Variants in ZFP36L2 observed in about 807,000 individuals in gnomAD.
ZFP36L2 encodes the protein ZFP36 like 2 zinc finger CCCH-type.
ZFP36L2 carries 16 observed loss-of-function variants against 27.9 expected under a neutral mutation model. The observed-to-expected ratio is 0.57, with a 90% CI of 0.39 to 0.87. The LOEUF (loss-of-function observed/expected upper bound fraction) is 0.87, where lower values mean the gene tolerates loss of function less well. Among genes scored for constraint, ZFP36L2 ranks in the 40% least tolerant of loss-of-function variants. The pLI is 0.00. For missense variants in ZFP36L2, 989 were observed against 726.9 expected (o/e 1.36, Z -4.15); for synonymous variants, 600 against 363.8 (o/e 1.65, Z -7.39).
chr2:43,226,500 G>A lies in ZFP36L2; in HGVS notation c.-185C>T, dbSNP rs368325387. ...CGGGCCGGCGGGAGGGTCCGGCGGA[G>A]TGCGGCAGGGGGGAAGGAGAGAAGC... On this transcript the variant is annotated 5_prime_UTR_variant, in exon 1 of 2. Transcript: ENST00000282388. The A allele has an allele frequency of 2.9e-6, 2 of 689,836 alleles. No individual in the cohort carries two copies. Among genetic ancestry groups the A allele is most frequent in the East Asian group, 3.0e-5 (1 of 32,864 alleles). 42.7% of individuals were successfully genotyped at this position (689,836 alleles called of 1,614,324 possible).
At chr2:43,225,884 C>T (rs1667088525) in intron 1 of ZFP36L2, 132 bp from the exon 2 acceptor site, 2 of 907,052 alleles carry the variant, frequency 2.2e-6, no homozygotes, top group South Asian at 1.7e-5. Flanking sequence ...CCCGACTCGG[C>T]CTCCACCCTC....
In ZFP36L2 at chr2:43,226,273, A is replaced by G. The variant is rs770158304; in HGVS notation, c.43T>C (p.Leu15=). Residue 15 remains leucine (L), a synonymous_variant, in exon 1 of 2, where the codon TTG becomes CTG. Coordinates refer to ENST00000282388, the MANE Select transcript of ZFP36L2 (RefSeq NM_006887.5). ...LLSAFYDVDF[L]CKTEKSLANL... is the part of the protein sequence containing the mutation. Reference sequence around the variant, plus strand: ...CCCGCTCCCTGGCCTACCTTGCACAAGAAGTCGACATCGTAGAAGGCGGAC... The same window carrying G: ...CCCGCTCCCTGGCCTACCTTGCACAGGAAGTCGACATCGTAGAAGGCGGAC... The G allele has an allele frequency of 1.3e-6, 2 of 1,585,570 alleles. No individual in the cohort carries two copies. The highest frequency in any genetic ancestry group is 1.1e-5 in the South Asian group (1 of 87,486).
At position 43,226,581 on chromosome 2, in the gene ZFP36L2, C is replaced by T. The variant is rs948807958; in HGVS notation, c.-266G>A. 28 of 486,236 alleles carry T rather than the reference C, an allele frequency of 5.8e-5. No individual in the cohort carries two copies. The highest frequency in any genetic ancestry group is 2.2e-4 in the Admixed American group (5 of 22,228). The allele number at this position is 486,236 out of a possible 1,614,324, so 30.1% of individuals were successfully genotyped here. On this transcript the variant is annotated 5_prime_UTR_variant, in exon 1 of 2. Transcript: ENST00000282388. ...CGGCCCGCCCCCCCCGCGGAGCCGA[C>T]GGCAGCTCGCGGACTGCTGGAACTC... is the stretch of plus-strand genomic sequence containing the variant.
At chr2:43,225,983 A>T (rs1667090938) in intron 1 of ZFP36L2, among the ~76,000 whole-genome samples, 1 of 152,046 alleles carries the variant, frequency 6.6e-6, no homozygotes, top group Non-Finnish European at 1.5e-5. Context: ...GGGTTTCGAC[A>T]CGTGATCCTC....
rs556928050 is a variant in ZFP36L2 at position 43,224,600 on chromosome 2, CCTG to C, written c.1201_1203del (p.Gln401del). The C allele has an allele frequency of 5.0e-3, 6,697 of 1,338,340 alleles. No homozygotes were observed. Among genetic ancestry groups the C allele is most frequent in the South Asian group, 0.025 (1,481 of 58,724 alleles). 82.9% of individuals were successfully genotyped at this position (1,338,340 alleles called of 1,614,324 possible). A position where few individuals can be genotyped will look rare whatever the true frequency, so the allele number is the denominator to read the frequency against. On this transcript the variant is annotated inframe_deletion, in exon 2 of 2. Transcript: ENST00000282388. ...GGCGGCTGCGCGGGGGGCGCCAGGC[CCTG>C]CTGCTGCTGCTGCTGCTGACTGCGG...
chr2:43,225,940 G>T (rs1210257903), intron 1 of ZFP36L2, among the ~76,000 whole-genome samples, 188 bp from the exon 2 acceptor site: 4 of 152,070 alleles, frequency 2.6e-5, no homozygotes, highest in Non-Finnish European at 4.4e-5. Context: ...GGACGGAGCG[G>T]GAGAGGGGAG....
rs772486306 is a variant in ZFP36L2 at position 43,225,395 on chromosome 2, G to C, written c.409C>G (p.Leu137Val). 6.2e-7 allele frequency: 1 copy of C among 1,613,512 alleles called. No individual in the cohort carries two copies. Among genetic ancestry groups the C allele is most frequent in the South Asian group, 1.1e-5 (1 of 91,078 alleles). The change falls in exon 2 of 2, where the codon CTG becomes GTG. Residue 137 changes from leucine (L) to valine (V), a missense_variant. Transcript: ENST00000282388. Reference protein sequence around the residue: ...NGDRSQHLLHLQQQQKGGGGS... With the variant: ...NGDRSQHLLHVQQQQKGGGGS... ...CCGCCCCCCTTCTGCTGCTGCTGCA[G>C]GTGCAGGAGGTGCTGGCTGCGATCG...
At position 43,222,446 on chromosome 2, in the gene ZFP36L2, A is replaced by T. The variant is rs1462368675; in HGVS notation, c.*1873T>A. The T allele has an allele frequency of 2.0e-5, 3 of 152,374 alleles. No homozygotes were observed. Among genetic ancestry groups the T allele is most frequent in the Non-Finnish European group, 4.4e-5 (3 of 68,040 alleles). 9.4% of individuals were successfully genotyped at this position (152,374 alleles called of 1,614,324 possible). On this transcript the variant is annotated 3_prime_UTR_variant, in exon 2 of 2. Coordinates refer to ENST00000282388, the MANE Select transcript of ZFP36L2 (RefSeq NM_006887.5). ...TTTTATTGGGGGAAAACTACAAAAC[A>T]TTTACAGTACAATGTTTACAGTCAC...
chr2:43,225,892 C>G (rs771960282), intron 1 of ZFP36L2, 140 bp from the exon 2 acceptor site: 11 of 913,788 alleles, frequency 1.2e-5, no homozygotes, highest in African/African-American at 1.7e-5. Context: ...GGCCTCCACC[C>G]TCCACCTATA....
rs1404847718 is a variant in ZFP36L2 at position 43,222,437 on chromosome 2, CTACAA to C, written c.*1877_*1881del. On this transcript the variant is annotated 3_prime_UTR_variant, in exon 2 of 2. Coordinates refer to ENST00000282388, the MANE Select transcript of ZFP36L2 (RefSeq NM_006887.5). ...TCCCAAAAATTTTATTGGGGGAAAA[CTACAA>C]AACATTTACAGTACAATGTTTACAG... The C allele has an allele frequency of 2.0e-5, 3 of 152,326 alleles. No individual in the cohort carries two copies. Among genetic ancestry groups the C allele is most frequent in the Non-Finnish European group, 4.4e-5 (3 of 68,024 alleles). 9.4% of individuals were successfully genotyped at this position (152,326 alleles called of 1,614,324 possible).
At position 43,225,771 on chromosome 2, in the gene ZFP36L2, C is replaced by G; in HGVS notation, c.52-19G>C. ...TCTCTGTCTGCCAAAGGGAGGGGAG[C>G]GGGGAAGGGATGAAAAACGGAAGGG... On this transcript the variant is annotated intron_variant, in intron 1 of 1. Coordinates refer to ENST00000282388, the MANE Select transcript of ZFP36L2 (RefSeq NM_006887.5). 1.3e-6 allele frequency: 2 copies of G among 1,574,336 alleles called. No homozygotes were observed. The highest frequency in any genetic ancestry group is 1.1e-5 in the South Asian group (1 of 89,094).
chr2:43,224,328 G>C lies in ZFP36L2; in HGVS notation c.1476C>G (p.Ser492=). Residue 492 remains serine, a synonymous_variant, in exon 2 of 2, where the codon TCC becomes TCG. Transcript: ENST00000282388. ...CTGGCGCCCTCTTGCCTCAGTCGTCGGAGATGGAGAGGCGGCTGAAGATTG... is the reference window on the plus strand; with the variant it reads ...CTGGCGCCCTCTTGCCTCAGTCGTCCGAGATGGAGAGGCGGCTGAAGATTG... The part of the protein sequence containing the change: ...RLPIFSRLSI[S]DD 1 of 1,577,250 alleles carries C rather than the reference G, an allele frequency of 6.3e-7. No individual in the cohort carries two copies. Among genetic ancestry groups the C allele is most frequent in the Non-Finnish European group, 8.6e-7 (1 of 1,166,286 alleles).
chr2:43,225,352 G>C lies in ZFP36L2; in HGVS notation c.452C>G (p.Ser151Cys). Residue 151 changes from serine to cysteine, a missense_variant, in exon 2 of 2, where the codon TCC becomes TGC. Transcript: ENST00000282388. ...QKGGGGSQIN[S>C]TRYKTELCRP... Reference sequence around the variant, plus strand: ...GCACAGCTCGGTCTTGTAGCGCGTGGAGTTGATCTGGGAGCCGCCGCCCCC... The same window carrying C: ...GCACAGCTCGGTCTTGTAGCGCGTGCAGTTGATCTGGGAGCCGCCGCCCCC... 1.9e-6 allele frequency: 3 copies of C among 1,613,446 alleles called. No individual in the cohort carries two copies. In the South Asian group the frequency reaches 3.3e-5, roughly 18 times the overall value.
Position 43,225,453 on chromosome 2 carries a change from G to A in ZFP36L2, c.351C>T (p.Asn117=), listed in dbSNP as rs921911471. The part of the protein sequence containing the change: ...GGGTALLNKE[N]KFRDRSFSEN... ...CGCTAAACGAGCGGTCCCGGAATTTGTTCTCCTTGTTGAGCAGGGCTGTGC... is the reference window on the plus strand; with the variant it reads ...CGCTAAACGAGCGGTCCCGGAATTTATTCTCCTTGTTGAGCAGGGCTGTGC... The change falls in exon 2 of 2, where the codon AAC becomes AAT. Residue 117 remains asparagine (N), a synonymous_variant. Coordinates refer to ENST00000282388, the MANE Select transcript of ZFP36L2 (RefSeq NM_006887.5). 6.2e-7 allele frequency: 1 copy of A among 1,611,682 alleles called. No individual in the cohort carries two copies. The highest frequency in any genetic ancestry group is 1.7e-5 in the Admixed American group (1 of 59,910).
Position 43,225,309 on chromosome 2 carries a change from G to A in ZFP36L2, c.495C>T (p.Ser165=). 2.5e-6 allele frequency: 4 copies of A among 1,612,768 alleles called. No individual in the cohort carries two copies. In the Middle Eastern group the frequency reaches 5.0e-4, roughly 200 times the overall value. ...KTELCRPFEE[S]GTCKYGEKCQ... ...ACTTTTCGCCGTACTTGCACGTGCC[G>A]CTCTCCTCGAAGGGCCGGCACAGCT... Residue 165 remains serine (S), a synonymous_variant, in exon 2 of 2, where the codon AGC becomes AGT. Transcript: ENST00000282388.
Position 43,224,529 on chromosome 2 carries a change from G to A in ZFP36L2, c.1275C>T (p.Pro425=), listed in dbSNP as rs1040125177. 4 of 1,463,742 alleles carry A rather than the reference G, an allele frequency of 2.7e-6. No individual in the cohort carries two copies. Among genetic ancestry groups the A allele is most frequent in the African/African-American group, 1.5e-5 (1 of 68,096 alleles). 90.7% of individuals were successfully genotyped at this position (1,463,742 alleles called of 1,614,324 possible). A position where few individuals can be genotyped will look rare whatever the true frequency, so the allele number is the denominator to read the frequency against. Reference sequence around the variant, plus strand: ...GCAGCTGGAAGCTGAAGGGCGGCGAGGGAGGTGCGGCGGCCCCGGCGGGGA... The same window carrying A: ...GCAGCTGGAAGCTGAAGGGCGGCGAAGGAGGTGCGGCGGCCCCGGCGGGGA... ...ATLPAGAAAP[P]SPPFSFQLPR... Residue 425 remains proline (P), a synonymous_variant, in exon 2 of 2, where the codon CCC becomes CCT. Transcript: ENST00000282388.
At position 43,225,254 on chromosome 2, in the gene ZFP36L2, G is replaced by A. The variant is rs1214015428; in HGVS notation, c.550C>T (p.Arg184Cys). The A allele has an allele frequency of 6.2e-7, 1 of 1,610,072 alleles. No homozygotes were observed. The highest frequency in any genetic ancestry group is 8.5e-7 in the Non-Finnish European group (1 of 1,179,940). The change falls in exon 2 of 2, where the codon CGC (arginine) becomes TGC (cysteine). Residue 184 changes from arginine to cysteine, a missense_variant. Coordinates refer to ENST00000282388, the MANE Select transcript of ZFP36L2 (RefSeq NM_006887.5). Reference protein sequence around the residue: ...CQFAHGFHELRSLTRHPKYKT... With the variant: ...CQFAHGFHELCSLTRHPKYKT... ...TACTTCGGATGGCGAGTCAGGCTGC[G>A]CAGCTCGTGGAAGCCATGCGCGAAC...
In ZFP36L2 at chr2:43,224,304, T is replaced by A; in HGVS notation, c.*15A>T. On this transcript the variant is annotated 3_prime_UTR_variant, in exon 2 of 2. Coordinates refer to ENST00000282388, the MANE Select transcript of ZFP36L2 (RefSeq NM_006887.5). Reference sequence around the variant, plus strand: ...TGAACCGCCTTCCCTTCCTCCTCACTGGCGCCCTCTTGCCTCAGTCGTCGG... The same window carrying A: ...TGAACCGCCTTCCCTTCCTCCTCACAGGCGCCCTCTTGCCTCAGTCGTCGG... 6.4e-7 allele frequency: 1 copy of A among 1,556,390 alleles called. No homozygotes were observed. The highest frequency in any genetic ancestry group is 8.6e-7 in the Non-Finnish European group (1 of 1,157,444).
At position 43,225,147 on chromosome 2, in the gene ZFP36L2, G is replaced by A. The variant is rs201694029; in HGVS notation, c.657C>T (p.Asp219=). The A allele has an allele frequency of 1.9e-6, 3 of 1,596,844 alleles. No individual in the cohort carries two copies. The highest frequency in any genetic ancestry group is 1.3e-5 in the African/African-American group (1 of 74,932). ...CCCCCGACGGCGCGGGCCGCCGCTC[G>A]TCCGCGTTGTGGATGAAGTGGCAGC... The part of the protein sequence containing the change: ...GPRCHFIHNA[D]ERRPAPSGGA... Residue 219 remains aspartate, a synonymous_variant, in exon 2 of 2, where the codon GAC becomes GAT. Coordinates refer to ENST00000282388, the MANE Select transcript of ZFP36L2 (RefSeq NM_006887.5).
Sources: allele counts gnomAD v4.1 joint callset (sites outside exome capture counted in the v4.1 genomes callset), GRCh38; gene constraint gnomAD v4.1.1; transcripts MANE v1.5; gene names NCBI Gene and HGNC (gene_info 2026-07-23, HGNC 2026-07-21).